Variants in RASAL2 observed in about 807,000 individuals in gnomAD.
RASAL2 encodes RAS protein activator like 2.
Under a neutral mutation model 128.9 loss-of-function variants are expected in RASAL2, and 58 were observed. The ratio of observed to expected loss-of-function variants is 0.45; its 90% CI spans 0.36 to 0.56. The LOEUF is 0.56. Ranked by LOEUF, RASAL2 falls within the 20% of genes least tolerant of loss-of-function variation. The pLI is 0.00. For missense variants in RASAL2, 1,360 were observed against 1,601.6 expected (o/e 0.85, Z 2.57); for synonymous variants, 561 against 580.8 (o/e 0.97, Z 0.49).
rs1658626235 is a variant in RASAL2 at position 178,095,122 on chromosome 1, G to GA, written c.202+435dup. ...AAAAGCAGAGGATAAGCTAATGAATGAAAAAAATGCAAACTATGTATTTGG... is the reference window on the plus strand; with the variant it reads ...AAAAGCAGAGGATAAGCTAATGAATGAAAAAAAATGCAAACTATGTATTTGG... On this transcript the variant is annotated intron_variant, in intron 1 of 17. Transcript: ENST00000367649. Among the ~76,000 whole-genome samples, 3 of 152,110 alleles carry GA rather than the reference G, an allele frequency of 2.0e-5. No individual in the cohort carries two copies. In the South Asian group the frequency reaches 6.2e-4, roughly 31 times the overall value.
intron 1 of RASAL2, chr1:178,194,844 G>A (rs1662608537): frequency 6.6e-6 from 1 of 152,216 alleles, no homozygotes; most frequent in African/African-American, 2.4e-5. Flanking sequence ...GATTTTAAAT[G>A]TAGATAGTTT....
intron 1 of RASAL2, among the ~76,000 whole-genome samples, chr1:178,171,719 A>G (rs1033219471): frequency 6.6e-6 from 1 of 151,764 alleles, no homozygotes; most frequent in Non-Finnish European, 1.5e-5. Flanking sequence ...GTTGGAGGAG[A>G]GAGATTTAAG....
At chr1:178,309,260 T>A (rs1668130448) in intron 3 of RASAL2, among the ~76,000 whole-genome samples, 1 of 152,150 alleles carries the variant, frequency 6.6e-6, no homozygotes, top group Non-Finnish European at 1.5e-5. Context: ...CCTTAAAATG[T>A]CATGTCTTAT....
chr1:178,302,531 G>C (rs557439788), intron 3 of RASAL2, among the ~76,000 whole-genome samples: 59 of 152,310 alleles, frequency 3.9e-4, no homozygotes, highest in African/African-American at 1.3e-3. Flanking sequence ...TAAATACCAT[G>C]ATGATGGTTT....
chr1:178,147,479 C>CAAAA lies in RASAL2; in HGVS notation c.202+52799_202+52802dup, dbSNP rs71297899. Among the ~76,000 whole-genome samples, 168 of 82,974 alleles carry CAAAA rather than the reference C, an allele frequency of 2.0e-3. 2 individuals carry two copies. The highest frequency in any genetic ancestry group is 6.8e-3 in the African/African-American group (163 of 23,840). 54.4% of individuals were successfully genotyped at this position (82,974 alleles called of 152,430 possible). A position where few individuals can be genotyped will look rare whatever the true frequency, so the allele number is the denominator to read the frequency against. ...TGGGCTACAGAGTGAGACTCCGTCT[C>CAAAA]AAAAAAAAAAAAAAAAAGAAAAGTA... On this transcript the variant is annotated intron_variant, in intron 1 of 17. Transcript: ENST00000367649.
At chr1:178,279,967 C>T (rs1453404543) in intron 1 of RASAL2, among the ~76,000 whole-genome samples, 2 of 152,020 alleles carry the variant, frequency 1.3e-5, no homozygotes, top group African/African-American at 2.4e-5. Context: ...TTTAACTGAT[C>T]GGTGCATGAT....
intron 5 of RASAL2, among the ~76,000 whole-genome samples, chr1:178,437,710 A>G (rs1676343900): frequency 6.6e-6 from 1 of 152,006 alleles, no homozygotes; most frequent in Admixed American, 6.6e-5. Flanking sequence ...CAGTTTCCTT[A>G]ATCAGGCTTC....
rs201680345 is a variant in RASAL2 at position 178,109,012 on chromosome 1, G to C, written c.202+14318G>C. 1.3e-4 allele frequency among the ~76,000 whole-genome samples: 20 copies of C among 152,168 alleles called. No homozygotes were observed. The East Asian group carries it at 3.7e-3, about 28-fold the overall frequency. On this transcript the variant is annotated intron_variant, in intron 1 of 17. Coordinates refer to ENST00000367649, the MANE Select transcript of RASAL2 (RefSeq NM_170692.4). ...TTTCTATAAAAGCATGTCTTTCTAT[G>C]CCTATTACTTATGTTTGATCAAGCC...
intron 1 of RASAL2, among the ~76,000 whole-genome samples, chr1:178,169,642 C>T (rs1571577796): frequency 6.6e-6 from 1 of 151,962 alleles, no homozygotes; most frequent in Non-Finnish European, 1.5e-5. Flanking sequence ...TCACAGTTTT[C>T]AAGTTTGTAC....
chr1:178,165,466 A>G (rs1419857515), intron 1 of RASAL2, among the ~76,000 whole-genome samples: 1 of 152,184 alleles, frequency 6.6e-6, no homozygotes. Flanking sequence ...GGATGTGCAT[A>G]GGTTATACAG....
intron 1 of RASAL2, among the ~76,000 whole-genome samples, chr1:178,235,487 T>C (rs1392107569): frequency 6.6e-6 from 1 of 152,194 alleles, no homozygotes; most frequent in African/African-American, 2.4e-5. Flanking sequence ...TTTAAGGTGC[T>C]ATTTCAAGGA....
chr1:178,318,400 G>A (rs1288972030), intron 3 of RASAL2, among the ~76,000 whole-genome samples: 1 of 151,740 alleles, frequency 6.6e-6, no homozygotes, highest in East Asian at 1.9e-4. Flanking sequence ...GGGTGTTAAA[G>A]TCTCCCATTA....
chr1:178,152,294 A>T (rs924132798), intron 1 of RASAL2, among the ~76,000 whole-genome samples: 1 of 152,144 alleles, frequency 6.6e-6, no homozygotes, highest in Admixed American at 6.5e-5. Context: ...CATGGGAACT[A>T]TGTGTCCCTC....
chr1:178,375,457 A>G (rs781228873), intron 3 of RASAL2, among the ~76,000 whole-genome samples: 2 of 152,186 alleles, frequency 1.3e-5, no homozygotes, highest in African/African-American at 2.4e-5. Context: ...GGCTAGAAGC[A>G]GTTAAATCAG....
At chr1:178,218,403 G>A (rs1017217428) in intron 1 of RASAL2, among the ~76,000 whole-genome samples, 67 of 151,854 alleles carry the variant, frequency 4.4e-4, no homozygotes, top group Non-Finnish European at 9.1e-4. Context: ...TAGTCAGTAT[G>A]CGGCCAGGTG....
chr1:178,408,073 A>G (rs534625904), intron 4 of RASAL2, among the ~76,000 whole-genome samples: 2 of 152,306 alleles, frequency 1.3e-5, no homozygotes, highest in South Asian at 4.2e-4. Flanking sequence ...ATGAATACCA[A>G]CTAATTAAAT....
chr1:178,217,593 A>AT (rs1358314094), intron 1 of RASAL2, among the ~76,000 whole-genome samples: 1 of 152,192 alleles, frequency 6.6e-6, no homozygotes, highest in Non-Finnish European at 1.5e-5. Context: ...AGTCACATGA[A>AT]TTTTTTTGTT....
At chr1:178,450,566 T>TCTG (rs1677305515) in intron 9 of RASAL2, among the ~76,000 whole-genome samples, 1 of 152,196 alleles carries the variant, frequency 6.6e-6, no homozygotes, top group Non-Finnish European at 1.5e-5. Flanking sequence ...AAATGCTCTT[T>TCTG]CTGCTGCTGA....
intron 1 of RASAL2, among the ~76,000 whole-genome samples, chr1:178,209,484 C>A (rs905400572): frequency 6.6e-6 from 1 of 152,134 alleles, no homozygotes; most frequent in Non-Finnish European, 1.5e-5. Context: ...TCAGCGTTTT[C>A]TCATCTTTTT....
Sources: gnomAD v4.1 joint callset for allele counts (sites outside exome capture counted in the v4.1 genomes callset) on GRCh38, gnomAD v4.1.1 for gene constraint, MANE v1.5 for transcripts, NCBI Gene and HGNC (gene_info 2026-07-23, HGNC 2026-07-21) for gene names.